Variants in IPO5 observed in about 807,000 individuals in gnomAD.
The protein encoded by IPO5 is importin 5.
Under a neutral mutation model 143.3 loss-of-function variants are expected in IPO5, and 18 were observed. The observed-to-expected ratio is 0.13, with a 90% CI of 0.09 to 0.19. The LOEUF (loss-of-function observed/expected upper bound fraction) is 0.19. Ranked by LOEUF, IPO5 falls within the 10% of genes least tolerant of loss-of-function variation. IPO5 has a pLI of 1.00. For synonymous variants in IPO5, 477 were observed against 465.7 expected (o/e 1.02, Z -0.31); for missense variants, 1,013 against 1,336.9 (o/e 0.76, Z 3.78).
Position 97,976,752 on chromosome 13 carries a change from T to C in IPO5, c.56T>C (p.Leu19Pro). ...QQFYLLLGNL[L>P]SPDNVVRKQA... is the part of the protein sequence containing the mutation. ...TTCTACCTGCTCCTGGGAAACCTGC[T>C]CAGCCCCGACAATGTGGTCCGGAAA... is the stretch of plus-strand genomic sequence containing the variant. The change falls in exon 4 of 29, where the codon CTC becomes CCC. Residue 19 changes from leucine to proline, a missense_variant. Leu to Pro is a moderately conservative substitution (Grantham distance 98). Around this residue, in one of 2 missense-constraint regions of IPO5, gnomAD observed 328 missense variants for 342.0 expected, o/e 0.96. Transcript: ENST00000651721. The C allele has an allele frequency of 1.4e-6, 2 of 1,416,210 alleles. No individual in the cohort carries two copies. The highest frequency in any genetic ancestry group is 1.9e-6 in the Non-Finnish European group (2 of 1,060,780). 87.7% of individuals were successfully genotyped at this position (1,416,210 alleles called of 1,614,324 possible). A position where few individuals can be genotyped will look rare whatever the true frequency, so the allele number is the denominator to read the frequency against.
At chr13:97,999,652 C>T (rs1888598418) in intron 12 of IPO5, among the ~76,000 whole-genome samples, 1 of 152,114 alleles carries the variant, frequency 6.6e-6, no homozygotes, top group African/African-American at 2.4e-5. Context: ...TACTGATCCT[C>T]CAGTTCTAAG....
intron 26 of IPO5, 57 bp from the exon 27 acceptor site, chr13:98,019,523 AT>A: frequency 8.8e-7 from 1 of 1,134,986 alleles, no homozygotes; most frequent in South Asian, 1.3e-5. Context: ...AAATACATAT[AT>A]TCATTTGCAT....
At chr13:97,970,918 C>T (rs751195500) in intron 3 of IPO5, among the ~76,000 whole-genome samples, 8 of 152,218 alleles carry the variant, frequency 5.3e-5, no homozygotes, top group Non-Finnish European at 8.8e-5. Context: ...TCTGTATTAG[C>T]AATCACAGCC....
intron 21 of IPO5, 32 bp downstream of exon 21, chr13:98,012,374 C>T (rs376595242): frequency 8.1e-7 from 1 of 1,229,650 alleles, no homozygotes; most frequent in Non-Finnish European, 1.2e-6. Context: ...CAAAACATGT[C>T]TAGATTTAGT....
rs1358818959 is a variant in IPO5, at chr13:97,970,042, C to G, written c.-5+212C>G. 3 of 475,552 alleles carry G rather than the reference C, an allele frequency of 6.3e-6. No homozygotes were observed. In the Admixed American group the frequency reaches 1.2e-4, roughly 20 times the overall value. 29.5% of individuals were successfully genotyped at this position (475,552 alleles called of 1,614,324 possible). On this transcript the variant is annotated intron_variant, in intron 3 of 28. Coordinates refer to ENST00000651721, the MANE Select transcript of IPO5 (RefSeq NM_002271.6). Reference sequence around the variant, plus strand: ...GTCAATGTACAAAGTATGTAGGACACCTATGTGTAGCTAGTTGGCTATTTT... The same window carrying G: ...GTCAATGTACAAAGTATGTAGGACAGCTATGTGTAGCTAGTTGGCTATTTT...
chr13:98,004,654 TAGC>T (rs1311987193), intron 16 of IPO5, among the ~76,000 whole-genome samples: 2 of 152,082 alleles, frequency 1.3e-5, no homozygotes, highest in Non-Finnish European at 2.9e-5. Context: ...GAAGGTAGCC[TAGC>T]AGAGGAGGAA....
chr13:97,995,106 C>T (rs1196752321), intron 11 of IPO5, among the ~76,000 whole-genome samples: 4 of 142,948 alleles, frequency 2.8e-5, no homozygotes, highest in South Asian at 4.4e-4. Flanking sequence ...GCCTGGGTGA[C>T]GGAGTGAGAC....
At chr13:97,984,202 T>C (rs1168051577) in intron 5 of IPO5, among the ~76,000 whole-genome samples, 1 of 151,538 alleles carries the variant, frequency 6.6e-6, no homozygotes, top group East Asian at 1.9e-4. Context: ...ATGGTCTCGA[T>C]CTCCTGACCT....
At chr13:97,977,013 C>T in intron 4 of IPO5, 1 of 207,368 alleles carries the variant, frequency 4.8e-6, no homozygotes, top group Non-Finnish European at 1.0e-5. Context: ...CTCCCCGCCG[C>T]CGCTCGCACC....
At chr13:97,976,835 C>T (rs1196750349) in intron 4 of IPO5, 49 bp downstream of exon 4, 3 of 839,080 alleles carry the variant, frequency 3.6e-6, no homozygotes, top group Admixed American at 3.0e-5. Context: ...GGCGCGCCGA[C>T]CCTTTACCGA....
rs1887609572 is a variant in IPO5 at position 97,989,066 on chromosome 13, G to A, written c.369G>A (p.Glu123=). Residue 123 remains glutamate (E), a synonymous_variant, in exon 7 of 29, where the codon GAG becomes GAA. Transcript: ENST00000651721. ...TCTGGATTTCTTTACTTTCAGATGAGGATGGCAATAACCAGTGGCCCGAAG... is the reference window on the plus strand; with the variant it reads ...TCTGGATTTCTTTACTTTCAGATGAAGATGGCAATAACCAGTGGCCCGAAG... ...AAELARNLID[E]DGNNQWPEGL... 1 of 1,599,558 alleles carries A rather than the reference G, an allele frequency of 6.3e-7. No homozygotes were observed. Among genetic ancestry groups the A allele is most frequent in the East Asian group, 2.2e-5 (1 of 44,738 alleles).
rs988411820 is a variant in IPO5 at position 97,959,194 on chromosome 13, C to G, written c.-113+4996C>G. 2.0e-5 allele frequency among the ~76,000 whole-genome samples: 3 copies of G among 151,460 alleles called. No homozygotes were observed. The East Asian group carries it at 5.9e-4, about 30-fold the overall frequency. On this transcript the variant is annotated intron_variant, in intron 2 of 28. Transcript: ENST00000651721. ...CTCAAAAAAAAAAAAAGAGAGAGAACAAGTCACACTACAGAACCATCACAA... is the reference window on the plus strand; with the variant it reads ...CTCAAAAAAAAAAAAAGAGAGAGAAGAAGTCACACTACAGAACCATCACAA...
In IPO5 at chr13:97,984,969, G is replaced by A. The variant is rs142841862; in HGVS notation, c.172-452G>A. Among the ~76,000 whole-genome samples, 4 of 152,252 alleles carry A rather than the reference G, an allele frequency of 2.6e-5. No individual in the cohort carries two copies. The East Asian group carries it at 7.7e-4, about 29-fold the overall frequency. ...CGTAATGTTTGTTTGCATGAAAGAA[G>A]CATTTTATCTAAGATGCTAATGAAA... is the stretch of plus-strand genomic sequence containing the variant. On this transcript the variant is annotated intron_variant, in intron 5 of 28. Transcript: ENST00000651721.
intron 12 of IPO5, among the ~76,000 whole-genome samples, chr13:97,999,337 G>A (rs1888566234): frequency 6.6e-6 from 1 of 152,160 alleles, no homozygotes; most frequent in Admixed American, 6.5e-5. Flanking sequence ...ATCTTTCACT[G>A]GAAATCACCT....
chr13:98,013,098 C>G (rs1184862382), intron 21 of IPO5, among the ~76,000 whole-genome samples: 1 of 152,120 alleles, frequency 6.6e-6, no homozygotes, highest in Non-Finnish European at 1.5e-5. Context: ...ACTCTGTTGC[C>G]CAGGCTAGAG....
intron 9 of IPO5, among the ~76,000 whole-genome samples, chr13:97,991,099 G>T (rs1887762930): frequency 6.6e-6 from 1 of 152,116 alleles, no homozygotes; most frequent in African/African-American, 2.4e-5. Context: ...GGACAAGTTA[G>T]TGGTTCCCAA....
At chr13:97,972,085 C>A (rs892441253) in intron 3 of IPO5, among the ~76,000 whole-genome samples, 1 of 152,148 alleles carries the variant, frequency 6.6e-6, no homozygotes, top group African/African-American at 2.4e-5. Context: ...TTTATACCAT[C>A]TAAATTGACC....
chr13:97,963,260 C>A (rs1885036061), intron 2 of IPO5: 1 of 151,938 alleles, frequency 6.6e-6, no homozygotes, highest in African/African-American at 2.4e-5. Flanking sequence ...GTATCCTTGT[C>A]AAAAATCAGT....
chr13:97,992,936 A>G lies in IPO5; in HGVS notation c.714A>G (p.Lys238=). ...SCYQNDDSVL[K]SLVEIADTVP... Reference sequence around the variant, plus strand: ...ACCAGAATGATGATTCTGTCCTAAAATCCCTCGTTGAGATTGCAGATACTG... The same window carrying G: ...ACCAGAATGATGATTCTGTCCTAAAGTCCCTCGTTGAGATTGCAGATACTG... The change falls in exon 10 of 29, where the codon AAA becomes AAG. Residue 238 remains lysine, a synonymous_variant. Coordinates refer to ENST00000651721, the MANE Select transcript of IPO5 (RefSeq NM_002271.6). 1 of 1,613,864 alleles carries G rather than the reference A, an allele frequency of 6.2e-7. No individual in the cohort carries two copies. Among genetic ancestry groups the G allele is most frequent in the African/African-American group, 1.3e-5 (1 of 75,042 alleles).
Sources: allele counts gnomAD v4.1 joint callset (sites outside exome capture counted in the v4.1 genomes callset), GRCh38; gene constraint gnomAD v4.1.1; regional missense constraint gnomAD v4.1.1; transcripts MANE v1.5; gene names NCBI Gene and HGNC (gene_info 2026-07-23, HGNC 2026-07-21).